SUFU: variants seen among roughly 807,000 people sequenced by gnomAD.
The protein encoded by SUFU is suppressor of fused homolog.
Under a neutral mutation model 58.9 loss-of-function variants are expected in SUFU, and 7 were observed. That is an observed-to-expected ratio of 0.12 (90% CI 0.07 to 0.22). The LOEUF (loss-of-function observed/expected upper bound fraction) is 0.22. Ranked by LOEUF, SUFU falls within the 10% of genes least tolerant of loss-of-function variation. The pLI is 1.00. For missense variants in SUFU, 451 were observed against 641.3 expected, an observed-to-expected ratio of 0.70 and a Z score of 3.20; for synonymous variants, 232 against 254.8, an observed-to-expected ratio of 0.91 and a Z score of 0.85.
Position 102,509,246 on chromosome 10 carries a change from A to G in SUFU, c.260A>G (p.His87Arg). The stretch of plus-strand genomic sequence containing the variant: ...AGCCCTTCTGCTAACATCCCCGAGC[A>G]CTGGCACTACATCAGCTTCGGCCTG... ...VGSPSANIPE[H>R]WHYISFGLSD... is the part of the protein sequence containing the mutation. Residue 87 changes from histidine to arginine, a missense_variant, in exon 2 of 12, where the codon CAC (histidine) becomes CGC (arginine). By Grantham distance (29) the His-to-Arg change is conservative (BLOSUM62 0). Coordinates refer to ENST00000369902, the MANE Select transcript of SUFU (RefSeq NM_016169.4). The G allele has an allele frequency of 6.2e-7, 1 of 1,614,208 alleles. No individual in the cohort carries two copies. The highest frequency in any genetic ancestry group is 8.5e-7 in the Non-Finnish European group (1 of 1,180,038).
chr10:102,553,942 A>C (rs566308338), intron 3 of SUFU, among the ~76,000 whole-genome samples: 1 of 152,300 alleles, frequency 6.6e-6, no homozygotes, highest in East Asian at 1.9e-4. Context: ...AAAATTTTAA[A>C]AATTAGCCAT....
At chr10:102,524,541 G>T (rs562126107) in intron 2 of SUFU, among the ~76,000 whole-genome samples, 340 of 152,050 alleles carry the variant, frequency 2.2e-3, no homozygotes, top group Non-Finnish European at 3.3e-3. Flanking sequence ...GGCCAGGCTG[G>T]TCTCAAACTC....
chr10:102,610,112 C>T (rs1007790197), intron 8 of SUFU, among the ~76,000 whole-genome samples: 1 of 152,106 alleles, frequency 6.6e-6, no homozygotes, highest in Non-Finnish European at 1.5e-5. Flanking sequence ...CGCGGTGACT[C>T]ACACCTGTAA....
At chr10:102,519,265 G>T (rs1022160587) in intron 2 of SUFU, among the ~76,000 whole-genome samples, 1 of 149,770 alleles carries the variant, frequency 6.7e-6, no homozygotes, top group African/African-American at 2.5e-5. Flanking sequence ...TGGCTCACTC[G>T]TGTAATCCCA....
chr10:102,556,824 C>A (rs12767683), intron 3 of SUFU, among the ~76,000 whole-genome samples: 37,302 of 147,950 alleles, frequency 0.25, 5,071 homozygotes, highest in Middle Eastern at 0.35. Context: ...CACAGTGGCT[C>A]ATTACTTGTA....
intron 8 of SUFU, 92 bp downstream of exon 8, chr10:102,599,636 C>A: frequency 1.8e-6 from 2 of 1,102,730 alleles, no homozygotes; most frequent in Non-Finnish European, 2.7e-6. Context: ...GAACAATGCA[C>A]ATAGCCCTTG....
chr10:102,524,746 CT>C, intron 2 of SUFU, among the ~76,000 whole-genome samples: 1 of 152,332 alleles, frequency 6.6e-6, no homozygotes, highest in Non-Finnish European at 1.5e-5. Context: ...TCTGTCCCCC[CT>C]CCTTCCCACT....
intron 3 of SUFU, among the ~76,000 whole-genome samples, chr10:102,583,402 CACACAT>C (rs1279149447): frequency 6.6e-6 from 1 of 152,174 alleles, no homozygotes; most frequent in Non-Finnish European, 1.5e-5. Flanking sequence ...AAAGCCTGAT[CACACAT>C]GCTCAGGGTG....
chr10:102,600,707 A>C (rs1203625022), intron 8 of SUFU, among the ~76,000 whole-genome samples: 5 of 152,188 alleles, frequency 3.3e-5, no homozygotes, highest in African/African-American at 1.2e-4. Flanking sequence ...ACTCAAGAGG[A>C]TAGCACAGGG....
intron 2 of SUFU, among the ~76,000 whole-genome samples, chr10:102,534,426 C>CA (rs544923893): frequency 8.8e-4 from 133 of 151,038 alleles, no homozygotes; most frequent in Non-Finnish European, 1.6e-3. Context: ...GACTCTGTCT[C>CA]AAAAAAAAAG....
At chr10:102,575,882 G>A (rs1043439478) in intron 3 of SUFU, among the ~76,000 whole-genome samples, 1 of 152,110 alleles carries the variant, frequency 6.6e-6, no homozygotes, top group African/African-American at 2.4e-5. Flanking sequence ...CTGTTGGCCA[G>A]GCTGGAGTGC....
intron 4 of SUFU, 111 bp downstream of exon 4, chr10:102,592,835 G>A (rs778433288): frequency 2.5e-5 from 32 of 1,272,180 alleles, no homozygotes; most frequent in East Asian, 4.7e-5. Flanking sequence ...CTTTGGCCTC[G>A]TCCTGATTTC....
chr10:102,561,886 C>G (rs1201862799), intron 3 of SUFU, among the ~76,000 whole-genome samples: 2 of 152,102 alleles, frequency 1.3e-5, no homozygotes, highest in East Asian at 3.9e-4. Context: ...CCAGGCTGGT[C>G]TTGAACTCCT....
At chr10:102,605,982 C>T (rs1163524431) in intron 8 of SUFU, among the ~76,000 whole-genome samples, 2 of 152,242 alleles carry the variant, frequency 1.3e-5, no homozygotes, top group African/African-American at 4.8e-5. Context: ...AATGGTTCAG[C>T]TCCTCTCCTT....
chr10:102,597,418 G>C (rs577563752), intron 7 of SUFU, 125 bp downstream of exon 7: 1 of 1,264,848 alleles, frequency 7.9e-7, no homozygotes, highest in African/African-American at 1.5e-5. Context: ...TTCCTGGCAT[G>C]ATTTAAACAG....
rs543762257 is a variant in SUFU, at chr10:102,620,782, G to C, written c.1296+3354G>C. 1.1e-4 allele frequency among the ~76,000 whole-genome samples: 16 copies of C among 152,288 alleles called. No homozygotes were observed. The South Asian group carries it at 1.2e-3, about 12-fold the overall frequency. On this transcript the variant is annotated intron_variant, in intron 10 of 11. Coordinates refer to ENST00000369902, the MANE Select transcript of SUFU (RefSeq NM_016169.4). ...TCTCCCTTGAGCCTGTCAACACTGGGCTGTTAGTCTTCTGAGCGGGAGCCC... is the reference window on the plus strand; with the variant it reads ...TCTCCCTTGAGCCTGTCAACACTGGCCTGTTAGTCTTCTGAGCGGGAGCCC...
Position 102,518,903 on chromosome 10 carries a change from G to C in SUFU, c.317+9600G>C, listed in dbSNP as rs996284935. Among the ~76,000 whole-genome samples the C allele has an allele frequency of 4.6e-5, 7 of 151,358 alleles. 1 individual carries two copies. Among genetic ancestry groups the C allele is most frequent in the Admixed American group, 1.3e-4 (2 of 15,226 alleles). On this transcript the variant is annotated intron_variant, in intron 2 of 11. Transcript: ENST00000369902. ...ACTTGTAATCCCAGCACTTTGGGAG[G>C]CCGAGGCAGGCGGATCATGAGGTCA...
intron 3 of SUFU, among the ~76,000 whole-genome samples, chr10:102,558,054 C>A (rs67481356): frequency 0.25 from 38,643 of 151,636 alleles, 5,099 homozygotes; most frequent in African/African-American, 0.3. Context: ...CATGCACCAA[C>A]ATGCCTGGCT....
At chr10:102,596,799 C>A (rs2063466844) in intron 6 of SUFU, among the ~76,000 whole-genome samples, 1 of 152,160 alleles carries the variant, frequency 6.6e-6, no homozygotes, top group Admixed American at 6.5e-5. Context: ...CCACATCAGC[C>A]CCACCAGCCA....
Sources: gnomAD v4.1 joint callset for allele counts (sites outside exome capture counted in the v4.1 genomes callset) on GRCh38, gnomAD v4.1.1 for gene constraint, MANE v1.5 for transcripts, NCBI Gene and HGNC (gene_info 2026-07-23, HGNC 2026-07-21) for gene names.